Variants in MCTP2 observed in about 807,000 individuals in gnomAD.
The protein encoded by MCTP2 is multiple C2 and transmembrane domain-containing protein 2.
In MCTP2, 132 loss-of-function variants were observed where a neutral mutation model predicts 111.6. That is an observed-to-expected ratio of 1.18 (90% CI 1.03 to 1.37). MCTP2 has a LOEUF of 1.37. Ranked by LOEUF, MCTP2 falls within the 40% of genes most tolerant of loss-of-function variation. MCTP2 has a pLI of 0.00. For missense variants in MCTP2, 1,183 were observed against 1,067.9 expected (o/e 1.11, Z -1.50); for synonymous variants, 395 against 387.7 (o/e 1.02, Z -0.22).
chr15:94,345,680 A>G (rs541287027), intron 8 of MCTP2, among the ~76,000 whole-genome samples: 19 of 152,328 alleles, frequency 1.2e-4, no homozygotes, highest in African/African-American at 3.8e-4. Flanking sequence ...GCAATTATAC[A>G]TTTCTGTCTG....
chr15:94,480,345 T>G lies in MCTP2; in HGVS notation c.*1311T>G, dbSNP rs2074666256. The G allele has an allele frequency of 6.6e-6, 1 of 152,110 alleles. No homozygotes were observed. The highest frequency in any genetic ancestry group is 1.5e-5 in the Non-Finnish European group (1 of 68,002). 9.4% of individuals were successfully genotyped at this position (152,110 alleles called of 1,614,324 possible). A position where few individuals can be genotyped will look rare whatever the true frequency, so the allele number is the denominator to read the frequency against. ...TATTTTTTTTTTTTTGTCTCTGGGTTGTAATTTAATAATCTTCAAACAAAA... is the reference window on the plus strand; with the variant it reads ...TATTTTTTTTTTTTTGTCTCTGGGTGGTAATTTAATAATCTTCAAACAAAA... On this transcript the variant is annotated 3_prime_UTR_variant, in exon 23 of 23. Transcript: ENST00000357742.
Position 94,297,661 on chromosome 15 carries a change from C to T in MCTP2, c.-65-540C>T, listed in dbSNP as rs192301769. On this transcript the variant is annotated intron_variant, in intron 1 of 22. Coordinates refer to ENST00000357742, the MANE Select transcript of MCTP2 (RefSeq NM_001385001.1). ...GCAAAGTTTTATTACAACACAGCCA[C>T]ATTCTTTCATTTAGGTATTCTGTCT... 7.2e-5 allele frequency among the ~76,000 whole-genome samples: 11 copies of T among 152,282 alleles called. No individual in the cohort carries two copies. The East Asian group carries it at 1.9e-3, about 27-fold the overall frequency.
intron 19 of MCTP2, among the ~76,000 whole-genome samples, chr15:94,453,254 A>G (rs2084582470): frequency 6.6e-6 from 1 of 152,142 alleles, no homozygotes; most frequent in South Asian, 2.1e-4. Context: ...GACTAACACC[A>G]GGTTAACTCT....
chr15:94,390,747 T>TGGG (rs1159216668), intron 14 of MCTP2, among the ~76,000 whole-genome samples: 1 of 140,878 alleles, frequency 7.1e-6, no homozygotes, highest in Non-Finnish European at 1.5e-5. Flanking sequence ...TTTTTTTTTT[T>TGGG]GGGATGGAGT....
At chr15:94,394,531 T>G (rs1417535276) in intron 14 of MCTP2, among the ~76,000 whole-genome samples, 1 of 152,060 alleles carries the variant, frequency 6.6e-6, no homozygotes, top group Non-Finnish European at 1.5e-5. Context: ...TTTGGGAGGC[T>G]GAGGCGGGTG....
intron 19 of MCTP2, among the ~76,000 whole-genome samples, chr15:94,451,038 G>A (rs2084414240): frequency 6.6e-6 from 1 of 152,254 alleles, no homozygotes; most frequent in Non-Finnish European, 1.5e-5. Flanking sequence ...CTTAAGAAAG[G>A]AAAGATTTGC....
chr15:94,233,723 A>G (rs972368284), intron 1 of MCTP2, among the ~76,000 whole-genome samples: 2 of 152,228 alleles, frequency 1.3e-5, no homozygotes, highest in Non-Finnish European at 2.9e-5. Flanking sequence ...TAAAGGATTT[A>G]TAACAACTGA....
chr15:94,361,095 T>TG lies in MCTP2; in HGVS notation c.1301+2483_1301+2484insG, dbSNP rs1475246004. On this transcript the variant is annotated intron_variant, in intron 10 of 22. Coordinates refer to ENST00000357742, the MANE Select transcript of MCTP2 (RefSeq NM_001385001.1). ...TTTAAATATTTCAAGTTTTTTTTTT[T>TG]TTTTTTTTTTTTTTTTTTTTTTAAC... Among the ~76,000 whole-genome samples, 21 of 136,508 alleles carry TG rather than the reference T, an allele frequency of 1.5e-4. No individual in the cohort carries two copies. In the East Asian group the frequency reaches 3.6e-3, roughly 23 times the overall value. The allele number at this position is 136,508 out of a possible 152,430, so 89.6% of individuals were successfully genotyped here. A position where few individuals can be genotyped will look rare whatever the true frequency, so the allele number is the denominator to read the frequency against.
intron 19 of MCTP2, among the ~76,000 whole-genome samples, chr15:94,444,888 G>C (rs1042493000): frequency 2.0e-5 from 3 of 152,100 alleles, no homozygotes; most frequent in Non-Finnish European, 4.4e-5. Flanking sequence ...CCCCGCTTTA[G>C]GAATAACGGT....
intron 17 of MCTP2, among the ~76,000 whole-genome samples, chr15:94,404,731 T>TG (rs1267559544): frequency 1.3e-4 from 19 of 143,108 alleles, no homozygotes; most frequent in African/African-American, 3.8e-4. Context: ...GGGACTGGAT[T>TG]GGCGGGGCGG....
At chr15:94,430,321 C>T (rs1392729334) in intron 17 of MCTP2, among the ~76,000 whole-genome samples, 1 of 151,570 alleles carries the variant, frequency 6.6e-6, no homozygotes, top group Admixed American at 6.6e-5. Flanking sequence ...TATTCTTGCT[C>T]ACTCTGCTTC....
intron 17 of MCTP2, among the ~76,000 whole-genome samples, chr15:94,404,840 G>A (rs2081821414): frequency 2.0e-5 from 3 of 152,244 alleles, no homozygotes; most frequent in East Asian, 3.9e-4. Flanking sequence ...GGATCCTCAA[G>A]CCCAGGCTCT....
chr15:94,304,751 C>T (rs1003282490), intron 2 of MCTP2, among the ~76,000 whole-genome samples: 3 of 152,116 alleles, frequency 2.0e-5, no homozygotes, highest in African/African-American at 7.2e-5. Flanking sequence ...TACTGAGCCA[C>T]AAATTAGAAC....
intron 14 of MCTP2, among the ~76,000 whole-genome samples, chr15:94,393,564 A>G (rs2081110951): frequency 1.3e-5 from 2 of 151,924 alleles, no homozygotes; most frequent in African/African-American, 4.9e-5. Flanking sequence ...AGAAGCAGGA[A>G]TAATAAGAGA....
At chr15:94,356,616 TA>T (rs1452659075) in intron 9 of MCTP2, among the ~76,000 whole-genome samples, 1 of 152,114 alleles carries the variant, frequency 6.6e-6, no homozygotes, top group East Asian at 1.9e-4. Flanking sequence ...AAAGGATAAG[TA>T]AAAGTTTTCA....
At chr15:94,417,484 A>G (rs1480794536) in intron 17 of MCTP2, among the ~76,000 whole-genome samples, 1 of 152,082 alleles carries the variant, frequency 6.6e-6, no homozygotes, top group Non-Finnish European at 1.5e-5. Context: ...TTGGTGCACA[A>G]AAGATTGTTT....
chr15:94,384,172 G>C (rs116231773), intron 13 of MCTP2, 48 bp downstream of exon 13: 2 of 1,302,440 alleles, frequency 1.5e-6, no homozygotes, highest in Non-Finnish European at 2.2e-6. Context: ...TTGGAAGGTA[G>C]TCTGGGGCTC....
In MCTP2 at chr15:94,254,651, G is replaced by A. The variant is rs537112080; in HGVS notation, c.-66+22987G>A. 2.6e-5 allele frequency among the ~76,000 whole-genome samples: 4 copies of A among 152,310 alleles called. No individual in the cohort carries two copies. The South Asian group carries it at 8.3e-4, about 32-fold the overall frequency. The stretch of plus-strand genomic sequence containing the variant: ...GCAATTCATATGTGGATGAAATTGA[G>A]CTCAGTGCAACTCAGCTATCTAACG... On this transcript the variant is annotated intron_variant, in intron 1 of 22. Transcript: ENST00000357742.
intron 20 of MCTP2, among the ~76,000 whole-genome samples, chr15:94,463,635 T>G (rs538371582): frequency 1.3e-5 from 2 of 152,332 alleles, no homozygotes; most frequent in Non-Finnish European, 2.9e-5. Flanking sequence ...ATTGGTATTT[T>G]GAGGCATTCT....
Sources: allele counts gnomAD v4.1 joint callset (sites outside exome capture counted in the v4.1 genomes callset), GRCh38; gene constraint gnomAD v4.1.1; transcripts MANE v1.5; gene names NCBI Gene and HGNC (gene_info 2026-07-23, HGNC 2026-07-21).